ZNF536: variants seen among roughly 807,000 people sequenced by gnomAD.
The protein encoded by ZNF536 is zinc finger protein 536.
ZNF536 carries 13 observed loss-of-function variants against 84.5 expected under a neutral mutation model. The observed-to-expected ratio is 0.15, with a 90% CI of 0.10 to 0.24. ZNF536 has a LOEUF of 0.24. Ranked by LOEUF, ZNF536 falls within the 10% of genes least tolerant of loss-of-function variation. The pLI, the probability that ZNF536 is intolerant of heterozygous loss-of-function variation, is 1.00. For synonymous variants in ZNF536, 811 were observed against 742.5 expected (o/e 1.09, Z -1.50); for missense variants, 1,536 against 1,747.5 (o/e 0.88, Z 2.16).
At chr19:30,581,054 G>A (rs935598932) in intron 1 of ZNF536, among the ~76,000 whole-genome samples, 7 of 152,326 alleles carry the variant, frequency 4.6e-5, no homozygotes, top group South Asian at 2.1e-4. Context: ...TCCAAAATCT[G>A]ATATTCCATC....
In ZNF536 at chr19:30,443,766, C is replaced by T. The variant is rs752956807; in HGVS notation, c.204C>T (p.Ala68=). The T allele has an allele frequency of 1.2e-6, 2 of 1,612,916 alleles. No individual in the cohort carries two copies. The highest frequency in any genetic ancestry group is 1.7e-6 in the Non-Finnish European group (2 of 1,179,574). Residue 68 remains alanine, a synonymous_variant, in exon 2 of 5, where the codon GCC becomes GCT. Transcript: ENST00000355537. ...CCCCCGCATCCCTGGAGGAGAAGGC[C>T]CACGTGCCCATGAGCGGCCAGCCCA... ...EKPPASLEEK[A]HVPMSGQPMG... is the part of the protein sequence containing the mutation.
At chr19:30,426,804 A>G (rs1467072458) in intron 1 of ZNF536, among the ~76,000 whole-genome samples, 3 of 152,102 alleles carry the variant, frequency 2.0e-5, no homozygotes, top group Non-Finnish European at 4.4e-5. Context: ...GGGAAGGTAT[A>G]TTTTGGAAGT....
intron 1 of ZNF536, among the ~76,000 whole-genome samples, chr19:30,640,118 G>A (rs1307906175): frequency 2.6e-5 from 4 of 152,062 alleles, no homozygotes; most frequent in Admixed American, 6.6e-5. Flanking sequence ...GTGGTGGCAC[G>A]TGCCTGTAGT....
chr19:30,585,281 T>A (rs2047057194), intron 1 of ZNF536, among the ~76,000 whole-genome samples: 1 of 152,280 alleles, frequency 6.6e-6, no homozygotes. Flanking sequence ...GGGACTGTAA[T>A]CCTCATGAGG....
chr19:30,319,744 T>G (rs2046794916), intron 2 of ZNF536, among the ~76,000 whole-genome samples: 1 of 152,368 alleles, frequency 6.6e-6, no homozygotes, highest in East Asian at 1.9e-4. Context: ...TTTAGCAAAA[T>G]TATTAAATGG....
chr19:30,691,029 A>G (rs999778046), intron 1 of ZNF536, among the ~76,000 whole-genome samples: 1 of 152,190 alleles, frequency 6.6e-6, no homozygotes, highest in Admixed American at 6.5e-5. Context: ...GCTGCTGCTT[A>G]CGGTCTGAGC....
At chr19:30,405,108 T>G (rs1333495446) in intron 1 of ZNF536, among the ~76,000 whole-genome samples, 1 of 152,168 alleles carries the variant, frequency 6.6e-6, no homozygotes, top group Non-Finnish European at 1.5e-5. Flanking sequence ...CTCAAGGCAT[T>G]CAGCTATCCC....
intron 1 of ZNF536, among the ~76,000 whole-genome samples, chr19:30,606,988 G>A (rs929074648): frequency 1.6e-4 from 24 of 152,142 alleles, no homozygotes; most frequent in Admixed American, 1.6e-3. Flanking sequence ...CAGAATGTGT[G>A]TGAAGGCTGG....
intron 1 of ZNF536, among the ~76,000 whole-genome samples, chr19:30,704,597 A>T (rs2052141321): frequency 1.4e-5 from 2 of 144,294 alleles, no homozygotes; most frequent in Non-Finnish European, 3.0e-5. Context: ...CAGTGAGCTG[A>T]GATCGTGCCA....
At chr19:30,526,450 C>T (rs958304697) in intron 2 of ZNF536, among the ~76,000 whole-genome samples, 3 of 125,164 alleles carry the variant, frequency 2.4e-5, no homozygotes, top group African/African-American at 7.6e-5. Context: ...AGGGGCCGGG[C>T]GCGGTGGCTC....
chr19:30,640,891 C>T (rs532502586), intron 1 of ZNF536, among the ~76,000 whole-genome samples: 7 of 152,354 alleles, frequency 4.6e-5, no homozygotes, highest in African/African-American at 1.4e-4. Flanking sequence ...TTGGGGAGCA[C>T]GTCTCCTGGG....
At chr19:30,483,491 A>G (rs933819004) in intron 2 of ZNF536, among the ~76,000 whole-genome samples, 3 of 29,760 alleles carry the variant, frequency 1.0e-4, no homozygotes, top group Non-Finnish European at 1.4e-4. Flanking sequence ...ACCCCACCCC[A>G]CCCCACCCAT....
At chr19:30,367,938 G>A (rs908840313), upstream of ZNF536, among the ~76,000 whole-genome samples, 15 of 152,168 alleles carry the variant, frequency 9.9e-5, no homozygotes, top group African/African-American at 3.6e-4. Context: ...GCTAAGCACA[G>A]CATTTTCTCA....
chr19:30,461,899 T>C (rs3786811), intron 2 of ZNF536, among the ~76,000 whole-genome samples: 34,102 of 152,120 alleles, frequency 0.22, 3,886 homozygotes, highest in South Asian at 0.29. Flanking sequence ...GTGCATGAGC[T>C]TGCAGACACC....
In ZNF536 at chr19:30,676,024, A is replaced by AT. The variant is rs1212818794; in HGVS notation, c.170-34727dup. 2.7e-5 allele frequency among the ~76,000 whole-genome samples: 4 copies of AT among 150,330 alleles called. No individual in the cohort carries two copies. In the East Asian group the frequency reaches 7.7e-4, roughly 29 times the overall value. On this transcript the variant is annotated intron_variant, in intron 1 of 1. Coordinates refer to the ZNF536 transcript ENST00000592773. The stretch of plus-strand genomic sequence containing the variant: ...AGGCATGAGCCACTACATCAGGCTA[A>AT]TTTTTTAATTTTTTTTAATAGAGAT...
At chr19:30,354,438 G>T (rs1167033286) in intron 3 of ZNF536, among the ~76,000 whole-genome samples, 1 of 152,192 alleles carries the variant, frequency 6.6e-6, no homozygotes, top group East Asian at 1.9e-4. Flanking sequence ...TGCAGTCATG[G>T]CTCACTGCAG....
chr19:30,483,528 G>A (rs1177508374), intron 2 of ZNF536, among the ~76,000 whole-genome samples: 1 of 140,262 alleles, frequency 7.1e-6, no homozygotes, highest in African/African-American at 2.6e-5. Context: ...CCAGGGCATG[G>A]TCCAGGCGGT....
chr19:30,627,571 A>G (rs2147202652), intron 1 of ZNF536, among the ~76,000 whole-genome samples: 1 of 148,848 alleles, frequency 6.7e-6, no homozygotes. Context: ...GTGCTGTGTG[A>G]CCTTGGATAG....
Position 30,390,814 on chromosome 19 carries a change from T to C in ZNF536, c.-3+18258T>C, listed in dbSNP as rs1460120381. On this transcript the variant is annotated intron_variant, in intron 1 of 4. Coordinates refer to ENST00000355537, the MANE Select transcript of ZNF536 (RefSeq NM_014717.3). ...GCATCACCGCCAGCCCCCGCCCCCATGTTTACACTCAGCCCCCGTTGGCAC... is the reference window on the plus strand; with the variant it reads ...GCATCACCGCCAGCCCCCGCCCCCACGTTTACACTCAGCCCCCGTTGGCAC... 5.9e-5 allele frequency among the ~76,000 whole-genome samples: 9 copies of C among 152,168 alleles called. No individual in the cohort carries two copies. The South Asian group carries it at 1.2e-3, about 21-fold the overall frequency.
Sources: gnomAD v4.1 joint callset for allele counts (sites outside exome capture counted in the v4.1 genomes callset) on GRCh38, gnomAD v4.1.1 for gene constraint, MANE v1.5 for transcripts, NCBI Gene and HGNC (gene_info 2026-07-23, HGNC 2026-07-21) for gene names.